PPME1: variants seen among roughly 807,000 people sequenced by gnomAD.
PPME1 encodes testicular secretory protein Li 39.
In PPME1, 17 loss-of-function variants were observed where a neutral mutation model predicts 56.9. The ratio of observed to expected loss-of-function variants is 0.30; its 90% confidence interval spans 0.20 to 0.45. PPME1 has a LOEUF of 0.45. PPME1 is among the 20% of genes least tolerant of loss of function. The probability of loss-of-function intolerance (pLI) is 1.00; values close to 1 mark genes in which losing one functional copy is unlikely to be tolerated. For missense variants in PPME1, 357 were observed against 483.2 expected, an observed-to-expected ratio of 0.74 and a Z score of 2.45; for synonymous variants, 122 against 156.2, an observed-to-expected ratio of 0.78 and a Z score of 1.63.
In PPME1 at chr11:74,171,304, GTGC is replaced by G; in HGVS notation, c.-115_-113del. 6.6e-7 allele frequency: 1 copy of G among 1,510,086 alleles called. No homozygotes were observed. The highest frequency in any genetic ancestry group is 1.4e-5 in the African/African-American group (1 of 72,780). 93.5% of individuals were successfully genotyped at this position (1,510,086 alleles called of 1,614,324 possible). A position where few individuals can be genotyped will look rare whatever the true frequency, so the allele number is the denominator to read the frequency against. ...GGTAGGCGGTGCTACGGGTAGCTGGGTGCTGTCCAAAGGCGACAGGGCGTCGTT... is the reference window on the plus strand; with the variant it reads ...GGTAGGCGGTGCTACGGGTAGCTGGGTGTCCAAAGGCGACAGGGCGTCGTT... On this transcript the variant is annotated 5_prime_UTR_variant, in exon 1 of 14. Coordinates refer to ENST00000328257, the MANE Select transcript of PPME1 (RefSeq NM_016147.3).
intron 1 of PPME1, among the ~76,000 whole-genome samples, chr11:74,201,137 G>A (rs1331979126): frequency 6.6e-6 from 1 of 151,832 alleles, no homozygotes; most frequent in Non-Finnish European, 1.5e-5. Context: ...CACCACACCC[G>A]GCTAATTTTT....
intron 1 of PPME1, among the ~76,000 whole-genome samples, chr11:74,181,943 A>T (rs57642592): frequency 0.064 from 9,770 of 152,156 alleles, 766 homozygotes; most frequent in African/African-American, 0.19. Flanking sequence ...ATTCCACATA[A>T]TTTCCACATG....
intron 7 of PPME1, 36 bp downstream of exon 7, chr11:74,231,038 A>G (rs1565391869): frequency 2.7e-6 from 4 of 1,485,094 alleles, no homozygotes; most frequent in African/African-American, 2.8e-5. Flanking sequence ...TATTTAATTA[A>G]TTTGTTTGTT....
At chr11:74,200,002 T>A (rs1858108521) in intron 1 of PPME1, among the ~76,000 whole-genome samples, 1 of 152,232 alleles carries the variant, frequency 6.6e-6, no homozygotes, top group Non-Finnish European at 1.5e-5. Flanking sequence ...GAGATTTGGG[T>A]AAGGACATAG....
intron 12 of PPME1, chr11:74,251,388 C>T (rs1256128537): frequency 1.5e-6 from 2 of 1,362,514 alleles, no homozygotes; most frequent in Non-Finnish European, 1.9e-6. Context: ...GAGAAAACAC[C>T]ATTCTGTAAC....
chr11:74,220,670 T>C (rs1858774656), intron 3 of PPME1, among the ~76,000 whole-genome samples: 1 of 152,232 alleles, frequency 6.6e-6, no homozygotes, highest in African/African-American at 2.4e-5. Context: ...TCTGAAGCAC[T>C]TAGATTGCTG....
chr11:74,200,493 T>C (rs1412202506), intron 1 of PPME1, among the ~76,000 whole-genome samples: 1 of 151,534 alleles, frequency 6.6e-6, no homozygotes, highest in Non-Finnish European at 1.5e-5. Flanking sequence ...GCGATTCTCC[T>C]GCTTCAGCCT....
chr11:74,253,748 C>T lies in PPME1; in HGVS notation c.*238C>T. The T allele has an allele frequency of 1.7e-6, 1 of 599,182 alleles. No individual in the cohort carries two copies. 37.1% of individuals were successfully genotyped at this position (599,182 alleles called of 1,614,324 possible). ...CAGGGCTCCCCTGCTCCTTTCCCTT[C>T]CCTGTACTGGGGTAGCTCCTGCCTG... On this transcript the variant is annotated 3_prime_UTR_variant, in exon 14 of 14. Transcript: ENST00000328257.
intron 1 of PPME1, among the ~76,000 whole-genome samples, chr11:74,197,472 A>AT (rs1858016145): frequency 6.6e-6 from 1 of 152,210 alleles, no homozygotes; most frequent in Admixed American, 6.5e-5. Flanking sequence ...TGATAAATAG[A>AT]ACTGACTAAT....
intron 3 of PPME1, among the ~76,000 whole-genome samples, chr11:74,221,434 T>A (rs932335316): frequency 6.6e-6 from 1 of 152,174 alleles, no homozygotes; most frequent in Non-Finnish European, 1.5e-5. Flanking sequence ...TAGGGGATTT[T>A]AAAAATATGA....
intron 12 of PPME1, 74 bp from the exon 13 acceptor site, chr11:74,251,574 A>G (rs1565398225): frequency 1.3e-6 from 2 of 1,577,824 alleles, no homozygotes; most frequent in Non-Finnish European, 1.7e-6. Flanking sequence ...TAACCATCTA[A>G]CAGTAGCTCA....
chr11:74,250,037 T>C (rs1346001116), intron 11 of PPME1: 1 of 152,204 alleles, frequency 6.6e-6, no homozygotes, highest in Non-Finnish European at 1.5e-5. Flanking sequence ...TGCTTAATTG[T>C]ATAGGGTAGA....
intron 3 of PPME1, among the ~76,000 whole-genome samples, chr11:74,212,647 A>G (rs1269106349): frequency 6.6e-6 from 1 of 152,076 alleles, no homozygotes. Context: ...TTATCTTGCA[A>G]CTTGGATACC....
chr11:74,242,693 A>C (rs1300903409), intron 9 of PPME1, among the ~76,000 whole-genome samples: 1 of 151,938 alleles, frequency 6.6e-6, no homozygotes, highest in Non-Finnish European at 1.5e-5. Flanking sequence ...ATCCTGGCCA[A>C]CATGGTGAAA....
chr11:74,216,142 G>A (rs1027330122), intron 3 of PPME1, among the ~76,000 whole-genome samples: 3 of 152,110 alleles, frequency 2.0e-5, no homozygotes, highest in Non-Finnish European at 4.4e-5. Flanking sequence ...TATATCAAAT[G>A]GACTTAATAA....
Position 74,199,867 on chromosome 11 carries a change from A to G in PPME1, c.102-3861A>G, listed in dbSNP as rs192266631. The stretch of plus-strand genomic sequence containing the variant: ...GAAAGGGGTTTCCCCTTATAAAGCC[A>G]TCAGATCTCCTGAGACTCATTCACT... On this transcript the variant is annotated intron_variant, in intron 1 of 13. Coordinates refer to ENST00000328257, the MANE Select transcript of PPME1 (RefSeq NM_016147.3). 2.0e-5 allele frequency among the ~76,000 whole-genome samples: 3 copies of G among 152,332 alleles called. No individual in the cohort carries two copies. The East Asian group carries it at 5.8e-4, about 29-fold the overall frequency.
At chr11:74,250,842 G>C (rs1237240930) in intron 11 of PPME1, 112 bp from the exon 12 acceptor site, 2 of 829,078 alleles carry the variant, frequency 2.4e-6, no homozygotes, top group Non-Finnish European at 4.0e-6. Context: ...AGAGTATTGA[G>C]GTGAGGTTGG....
chr11:74,217,821 T>C (rs916079233), intron 3 of PPME1, among the ~76,000 whole-genome samples: 1 of 151,902 alleles, frequency 6.6e-6, no homozygotes, highest in Admixed American at 6.6e-5. Context: ...GCTTGTATAA[T>C]ACTAAAAGGA....
At chr11:74,206,928 A>G (rs1197112040) in intron 3 of PPME1, among the ~76,000 whole-genome samples, 1 of 152,192 alleles carries the variant, frequency 6.6e-6, no homozygotes, top group Non-Finnish European at 1.5e-5. Context: ...GTACTATGCT[A>G]AGTGCTTAAG....
Sources: allele counts gnomAD v4.1 joint callset (sites outside exome capture counted in the v4.1 genomes callset), GRCh38; gene constraint gnomAD v4.1.1; transcripts MANE v1.5; gene names NCBI Gene and HGNC (gene_info 2026-07-23, HGNC 2026-07-21).